SLCO2A1: variants seen among roughly 807,000 people sequenced by gnomAD.
SLCO2A1 encodes matrin F/G 1.
A neutral mutation model predicts 71.7 loss-of-function variants in SLCO2A1; 60 were observed. The ratio of observed to expected loss-of-function variants is 0.84; its 90% CI spans 0.68 to 1.04. The LOEUF (loss-of-function observed/expected upper bound fraction) is 1.04, where lower values mean the gene tolerates loss of function less well. Ranked by LOEUF, SLCO2A1 falls within the 50% of genes least tolerant of loss-of-function variation. The pLI is 0.00. For missense variants in SLCO2A1, 745 were observed against 813.4 expected (o/e 0.92, Z 1.02); for synonymous variants, 308 against 326.7 (o/e 0.94, Z 0.62).
chr3:133,994,525 C>T (rs1300502736), intron 1 of SLCO2A1, among the ~76,000 whole-genome samples: 1 of 152,226 alleles, frequency 6.6e-6, no homozygotes, highest in Non-Finnish European at 1.5e-5. Context: ...CTCTCTCTGA[C>T]TGTTCCTTCT....
chr3:133,989,312 GT>G (rs1305575724), intron 1 of SLCO2A1, among the ~76,000 whole-genome samples: 1 of 152,180 alleles, frequency 6.6e-6, no homozygotes, highest in East Asian at 1.9e-4. Flanking sequence ...TCATTCCTGT[GT>G]TTCATTCCTT....
chr3:133,954,805 C>T (rs1450229431), intron 4 of SLCO2A1, among the ~76,000 whole-genome samples, 161 bp downstream of exon 4: 1 of 152,172 alleles, frequency 6.6e-6, no homozygotes, highest in Non-Finnish European at 1.5e-5. Context: ...GGTAATGGAG[C>T]TGACATTCAA....
At chr3:134,027,438 G>C (rs970468994) in intron 1 of SLCO2A1, among the ~76,000 whole-genome samples, 1 of 152,170 alleles carries the variant, frequency 6.6e-6, no homozygotes, top group Non-Finnish European at 1.5e-5. Context: ...GCAGCCCCCA[G>C]TCACGTACCC....
At chr3:133,973,512 T>A in intron 3 of SLCO2A1, 151 bp downstream of exon 3, 1 of 792,836 alleles carries the variant, frequency 1.3e-6, no homozygotes, top group Non-Finnish European at 2.0e-6. Context: ...CAGAGTTCAG[T>A]TGCTCCATAG....
intron 1 of SLCO2A1, among the ~76,000 whole-genome samples, chr3:134,028,290 T>C (rs548136400): frequency 6.6e-6 from 1 of 152,274 alleles, no homozygotes; most frequent in East Asian, 1.9e-4. Context: ...GTCCCTACCC[T>C]TTCATCTCAA....
intron 1 of SLCO2A1, among the ~76,000 whole-genome samples, chr3:133,985,713 G>A (rs570322305): frequency 2.0e-4 from 31 of 152,334 alleles, no homozygotes; most frequent in African/African-American, 7.5e-4. Context: ...CACAGTGCAT[G>A]AAATGATGCC....
rs1195935147 is a variant in SLCO2A1 at position 133,981,345 on chromosome 3, C to A, written c.97-1727G>T. Among the ~76,000 whole-genome samples the A allele has an allele frequency of 2.0e-5, 3 of 152,170 alleles. No homozygotes were observed. In the South Asian group the frequency reaches 6.2e-4, roughly 32 times the overall value. On this transcript the variant is annotated intron_variant, in intron 1 of 13. Transcript: ENST00000310926. Reference sequence around the variant, plus strand: ...CAAATTGCCTCGTTCCTAGGTCTGGCCTGGACCAGGGAACAATCTCGGTTT... The same window carrying A: ...CAAATTGCCTCGTTCCTAGGTCTGGACTGGACCAGGGAACAATCTCGGTTT...
intron 2 of SLCO2A1, among the ~76,000 whole-genome samples, chr3:133,975,197 G>T (rs562529539): frequency 6.6e-6 from 1 of 152,118 alleles, no homozygotes; most frequent in African/African-American, 2.4e-5. Context: ...AAGTCCCACA[G>T]TCTCAGCTCA....
At chr3:133,973,626 T>A (rs773237144) in intron 3 of SLCO2A1, 37 bp downstream of exon 3, 1 of 1,606,912 alleles carries the variant, frequency 6.2e-7, no homozygotes, top group South Asian at 1.1e-5. Context: ...GTTCACCCAT[T>A]CCTTACCCCT....
chr3:133,959,144 G>T (rs1008044779), intron 3 of SLCO2A1, among the ~76,000 whole-genome samples: 2 of 152,120 alleles, frequency 1.3e-5, no homozygotes, highest in African/African-American at 4.8e-5. Context: ...AGGAGAACGC[G>T]GAGTCCTGAA....
intron 1 of SLCO2A1, among the ~76,000 whole-genome samples, chr3:133,979,981 T>G (rs1262136551): frequency 1.3e-5 from 2 of 152,010 alleles, no homozygotes; most frequent in Non-Finnish European, 2.9e-5. Flanking sequence ...ACCACAGTGC[T>G]CCACAGGCTG....
At position 133,934,028 on chromosome 3, in the gene SLCO2A1, G is replaced by A. The variant is rs924718698; in HGVS notation, c.*685C>T. 9 of 152,292 alleles carry A rather than the reference G, an allele frequency of 5.9e-5. No homozygotes were observed. Among genetic ancestry groups the A allele is most frequent in the African/African-American group, 2.2e-4 (9 of 41,462 alleles). 9.4% of individuals were successfully genotyped at this position (152,292 alleles called of 1,614,324 possible). On this transcript the variant is annotated 3_prime_UTR_variant, in exon 14 of 14. Coordinates refer to ENST00000310926, the MANE Select transcript of SLCO2A1 (RefSeq NM_005630.3). ...GGGTTCATATGGACAGCACTTAGATGACCCATCCTTGGGGTTTCTCAGTCC... is the reference window on the plus strand; with the variant it reads ...GGGTTCATATGGACAGCACTTAGATAACCCATCCTTGGGGTTTCTCAGTCC...
intron 11 of SLCO2A1, among the ~76,000 whole-genome samples, chr3:133,940,337 G>T (rs1933386011): frequency 6.6e-6 from 1 of 152,138 alleles, no homozygotes; most frequent in Admixed American, 6.5e-5. Flanking sequence ...TTCCCAGTAG[G>T]ATTTATCTTT....
At position 133,955,200 on chromosome 3, in the gene SLCO2A1, C is replaced by T. The variant is rs755380139; in HGVS notation, c.398-7G>A. ...TGCAAGCGGCTGTTGTTCCCTGCAA[C>T]GAGAGTGCTTGCTGGTCTCCACCAC... On this transcript the variant is annotated splice_region_variant and splice_polypyrimidine_tract_variant and intron_variant, in intron 3 of 13. Coordinates refer to ENST00000310926, the MANE Select transcript of SLCO2A1 (RefSeq NM_005630.3). 16 of 1,609,034 alleles carry T rather than the reference C, an allele frequency of 9.9e-6. No homozygotes were observed. Among genetic ancestry groups the T allele is most frequent in the African/African-American group, 8.0e-5 (6 of 74,810 alleles).
chr3:133,962,518 G>A (rs939325976), intron 3 of SLCO2A1, among the ~76,000 whole-genome samples: 1 of 152,186 alleles, frequency 6.6e-6, no homozygotes, highest in South Asian at 2.1e-4. Context: ...GACCTTGTAT[G>A]AGCACCAACC....
chr3:133,944,184 G>T (rs1933505674), intron 10 of SLCO2A1, among the ~76,000 whole-genome samples: 1 of 152,132 alleles, frequency 6.6e-6, no homozygotes, highest in Non-Finnish European at 1.5e-5. Context: ...TCTTCTGGTT[G>T]TTCACTTCTA....
At chr3:134,014,858 T>C (rs1935414581) in intron 1 of SLCO2A1, among the ~76,000 whole-genome samples, 1 of 152,182 alleles carries the variant, frequency 6.6e-6, no homozygotes, top group Non-Finnish European at 1.5e-5. Context: ...GAGACGTTGA[T>C]ACCTCTCTTG....
chr3:133,955,181 C>T lies in SLCO2A1; in HGVS notation c.410G>A (p.Arg137His), dbSNP rs202244173. ...CTTCTGGCAGAGCTCGGCCTGCAAG[C>T]GGCTGTTGTTCCCTGCAACGAGAGT... Reference protein sequence around the residue: ...YTLASTGNNSRLQAELCQKHW... With the variant: ...YTLASTGNNSHLQAELCQKHW... Residue 137 changes from arginine (R) to histidine (H), a missense_variant, in exon 4 of 14, where the codon CGC (arginine) becomes CAC (histidine). By Grantham distance (29) the Arg-to-His change is conservative. Transcript: ENST00000310926. 2.1e-5 allele frequency: 34 copies of T among 1,613,024 alleles called. No homozygotes were observed. In the East Asian group the frequency reaches 3.8e-4, roughly 18 times the overall value.
intron 1 of SLCO2A1, among the ~76,000 whole-genome samples, chr3:134,023,642 A>G (rs1353344179): frequency 6.6e-6 from 1 of 152,248 alleles, no homozygotes; most frequent in Non-Finnish European, 1.5e-5. Context: ...CTAAAATCAT[A>G]CATTCATTTT....
Sources: allele counts gnomAD v4.1 joint callset (sites outside exome capture counted in the v4.1 genomes callset), GRCh38; gene constraint gnomAD v4.1.1; transcripts MANE v1.5; gene names NCBI Gene and HGNC (gene_info 2026-07-23, HGNC 2026-07-21).